RAB27B: variants seen among roughly 807,000 people sequenced by gnomAD.
RAB27B encodes the protein ras-related protein Rab-27B.
Under a neutral mutation model 24.6 loss-of-function variants are expected in RAB27B, and 15 were observed. The ratio of observed to expected loss-of-function variants is 0.61; its 90% CI spans 0.41 to 0.94. The LOEUF (loss-of-function observed/expected upper bound fraction) is 0.94. Among genes scored for constraint, RAB27B ranks in the 40% least tolerant of loss-of-function variants. RAB27B has a pLI of 0.00. For synonymous variants in RAB27B, 105 were observed against 92.5 expected, an observed-to-expected ratio of 1.14 and a Z score of -0.78; for missense variants, 261 against 266.8, an observed-to-expected ratio of 0.98 and a Z score of 0.15.
intron 1 of RAB27B, among the ~76,000 whole-genome samples, chr18:54,850,041 C>T (rs1400039569): frequency 6.6e-6 from 1 of 151,734 alleles, no homozygotes; most frequent in Non-Finnish European, 1.5e-5. Context: ...CCACTTAATA[C>T]AAAACCATGT....
At chr18:54,837,609 G>C (rs1370716706) in intron 1 of RAB27B, among the ~76,000 whole-genome samples, 1 of 152,002 alleles carries the variant, frequency 6.6e-6, no homozygotes, top group Non-Finnish European at 1.5e-5. Context: ...CAAAATCTAT[G>C]AGACCAAATG....
intron 2 of RAB27B, among the ~76,000 whole-genome samples, chr18:54,796,938 TAA>T (rs1250530088): frequency 1.1e-4 from 17 of 152,180 alleles, no homozygotes; most frequent in Admixed American, 1.1e-3. Flanking sequence ...GAGCAAGATG[TAA>T]AGACATAATT....
chr18:54,818,313 C>A (rs193205176), intron 2 of RAB27B, among the ~76,000 whole-genome samples: 2 of 143,828 alleles, frequency 1.4e-5, no homozygotes, highest in Non-Finnish European at 3.0e-5. Context: ...CAAGCCCTCC[C>A]AGCTAATCAA....
chr18:54,893,387 T>C lies in RAB27B; in HGVS notation c.*3974T>C, dbSNP rs912245808. 1 of 152,098 alleles carries C rather than the reference T, an allele frequency of 6.6e-6. No homozygotes were observed. Among genetic ancestry groups the C allele is most frequent in the Admixed American group, 6.6e-5 (1 of 15,238 alleles). The allele number at this position is 152,098 out of a possible 1,614,324, so 9.4% of individuals were successfully genotyped here. Reference sequence around the variant, plus strand: ...TGCCAAAGTGATAGAAGAGTTGTTTTTTCCTCTCTACTACCAAGCTTTAAG... The same window carrying C: ...TGCCAAAGTGATAGAAGAGTTGTTTCTTCCTCTCTACTACCAAGCTTTAAG... On this transcript the variant is annotated 3_prime_UTR_variant, in exon 6 of 6. Coordinates refer to ENST00000262094, the MANE Select transcript of RAB27B (RefSeq NM_004163.4).
intron 2 of RAB27B, among the ~76,000 whole-genome samples, chr18:54,817,151 T>C (rs1289154131): frequency 2.6e-5 from 4 of 152,214 alleles, no homozygotes; most frequent in Admixed American, 1.3e-4. Context: ...GATGTGAAGG[T>C]AATTAGCAGA....
chr18:54,788,365 C>T (rs1329199790), intron 2 of RAB27B, among the ~76,000 whole-genome samples: 6 of 152,272 alleles, frequency 3.9e-5, no homozygotes, highest in East Asian at 3.9e-4. Context: ...TACAGTGGCA[C>T]GATCTCAGCT....
At chr18:54,793,127 A>T (rs1909306821) in intron 2 of RAB27B, among the ~76,000 whole-genome samples, 1 of 151,804 alleles carries the variant, frequency 6.6e-6, no homozygotes. Context: ...TGACAGCAAC[A>T]TAATGGCTAA....
chr18:54,777,937 G>A (rs966630656), intron 2 of RAB27B, among the ~76,000 whole-genome samples: 3 of 146,188 alleles, frequency 2.1e-5, no homozygotes, highest in African/African-American at 2.6e-5. Flanking sequence ...AATTGTCTCC[G>A]GCAAAAATAT....
chr18:54,866,816 C>T (rs556257121), intron 1 of RAB27B, among the ~76,000 whole-genome samples: 2 of 152,176 alleles, frequency 1.3e-5, no homozygotes, highest in East Asian at 3.9e-4. Context: ...GGAGAAAACC[C>T]GATGTGGGGC....
chr18:54,836,076 A>G (rs1224392011), intron 1 of RAB27B, among the ~76,000 whole-genome samples: 1 of 151,974 alleles, frequency 6.6e-6, no homozygotes, highest in Non-Finnish European at 1.5e-5. Context: ...ACTGATCACT[A>G]GGTGCAGGTA....
At chr18:54,733,630 G>A (rs954570464) in intron 2 of RAB27B, among the ~76,000 whole-genome samples, 4 of 146,418 alleles carry the variant, frequency 2.7e-5, no homozygotes, top group Non-Finnish European at 6.0e-5. Flanking sequence ...ATAAATTTAG[G>A]TGAAATCTTC....
chr18:54,790,204 A>G (rs574706306), intron 2 of RAB27B, among the ~76,000 whole-genome samples: 70 of 152,274 alleles, frequency 4.6e-4, no homozygotes, highest in African/African-American at 1.6e-3. Flanking sequence ...ATCTCTACAA[A>G]TATAAACTAT....
At chr18:54,761,067 A>T (rs1229926469) in intron 2 of RAB27B, among the ~76,000 whole-genome samples, 1 of 151,584 alleles carries the variant, frequency 6.6e-6, no homozygotes, top group African/African-American at 2.4e-5. Flanking sequence ...GATAATTTAT[A>T]GTATTTCATT....
chr18:54,812,911 C>T (rs912848873), intron 2 of RAB27B, among the ~76,000 whole-genome samples: 5 of 152,164 alleles, frequency 3.3e-5, no homozygotes, highest in Middle Eastern at 3.4e-3. Context: ...CTTCTTGATG[C>T]AAATGATAAT....
At chr18:54,750,937 A>C (rs1016395027) in intron 2 of RAB27B, among the ~76,000 whole-genome samples, 9 of 152,322 alleles carry the variant, frequency 5.9e-5, no homozygotes, top group Middle Eastern at 3.4e-3. Flanking sequence ...GGAGAGGAGC[A>C]ACAAACAAAA....
At chr18:54,788,264 G>A (rs1234922161) in intron 2 of RAB27B, among the ~76,000 whole-genome samples, 1 of 152,166 alleles carries the variant, frequency 6.6e-6, no homozygotes, top group African/African-American at 2.4e-5. Context: ...TGGTACTAAA[G>A]TATGGTGATT....
intron 3 of RAB27B, among the ~76,000 whole-genome samples, chr18:54,881,218 T>G (rs530505934): frequency 5.8e-4 from 89 of 152,270 alleles, no homozygotes; most frequent in Non-Finnish European, 8.2e-4. Context: ...AGAAAGGTTT[T>G]ATTGCAAATC....
intron 2 of RAB27B, among the ~76,000 whole-genome samples, chr18:54,817,010 C>A (rs531551745): frequency 2.9e-4 from 44 of 152,174 alleles, no homozygotes; most frequent in Non-Finnish European, 5.9e-4. Flanking sequence ...GTCTGATATA[C>A]AATACTTTTA....
intron 1 of RAB27B, among the ~76,000 whole-genome samples, chr18:54,854,950 C>T (rs1911724164): frequency 6.6e-6 from 1 of 152,114 alleles, no homozygotes; most frequent in Non-Finnish European, 1.5e-5. Flanking sequence ...AAATGCATTA[C>T]ATTTGTTGTA....
Sources: allele counts gnomAD v4.1 joint callset (sites outside exome capture counted in the v4.1 genomes callset), GRCh38; gene constraint gnomAD v4.1.1; transcripts MANE v1.5; gene names NCBI Gene and HGNC (gene_info 2026-07-23, HGNC 2026-07-21).